EYS: variants seen among roughly 807,000 people sequenced by gnomAD.
EYS encodes the protein EGF-like photoreceptor maintenance factor.
A neutral mutation model predicts 282.1 loss-of-function variants in EYS; 250 were observed. That is an observed-to-expected ratio of 0.89 (90% CI 0.80 to 0.98). The LOEUF is 0.98. Ranked by LOEUF, EYS falls within the 50% of genes least tolerant of loss-of-function variation. The probability of loss-of-function intolerance (pLI) is 0.00; values close to 1 mark genes in which losing one functional copy is unlikely to be tolerated. For missense variants in EYS, 4,016 were observed against 3,709.0 expected (o/e 1.08, Z -2.15); for synonymous variants, 1,355 against 1,282.9 (o/e 1.06, Z -1.20).
intron 19 of EYS, among the ~76,000 whole-genome samples, chr6:64,837,377 G>A (rs1039818758): frequency 2.0e-5 from 3 of 151,162 alleles, no homozygotes; most frequent in South Asian, 2.1e-4. Context: ...AACAACATAC[G>A]AAAGGGGGGA....
intron 14 of EYS, among the ~76,000 whole-genome samples, chr6:64,989,431 A>T (rs1338864969): frequency 5.6e-5 from 6 of 107,336 alleles, no homozygotes; most frequent in African/African-American, 1.3e-4. Context: ...ATATATGAGA[A>T]ACAGGAAGAG....
At chr6:64,844,405 A>G (rs1267552483) in intron 19 of EYS, among the ~76,000 whole-genome samples, 7 of 151,554 alleles carry the variant, frequency 4.6e-5, no homozygotes, top group Non-Finnish European at 1.0e-4. Context: ...TTGATACTCA[A>G]TAATGAATTC....
chr6:64,857,031 T>A (rs1381884440), intron 19 of EYS, among the ~76,000 whole-genome samples: 2 of 152,176 alleles, frequency 1.3e-5, no homozygotes, highest in African/African-American at 4.8e-5. Flanking sequence ...ATCATTTGCT[T>A]AAAAAACTAT....
intron 12 of EYS, among the ~76,000 whole-genome samples, chr6:65,120,962 C>T (rs902678022): frequency 2.0e-5 from 3 of 152,122 alleles, no homozygotes; most frequent in African/African-American, 4.8e-5. Flanking sequence ...TTTCATCTTC[C>T]GTTCTGCTGC....
At chr6:64,533,593 T>C (rs1192636947) in intron 26 of EYS, among the ~76,000 whole-genome samples, 1 of 152,106 alleles carries the variant, frequency 6.6e-6, no homozygotes, top group African/African-American at 2.4e-5. Context: ...CCTGTATCTA[T>C]GTTTTTCAAA....
At chr6:65,610,685 A>G (rs1215855484) in intron 2 of EYS, among the ~76,000 whole-genome samples, 2 of 152,096 alleles carry the variant, frequency 1.3e-5, no homozygotes, top group African/African-American at 4.8e-5. Context: ...TAACTTTTCT[A>G]GTTTTATTAA....
chr6:64,314,983 G>A (rs1769886359), intron 29 of EYS, among the ~76,000 whole-genome samples: 1 of 152,036 alleles, frequency 6.6e-6, no homozygotes, highest in Admixed American at 6.6e-5. Context: ...AATGAATTCA[G>A]GAGCTGGTTT....
At chr6:65,110,877 G>A (rs1775197433) in intron 12 of EYS, among the ~76,000 whole-genome samples, 1 of 151,944 alleles carries the variant, frequency 6.6e-6, no homozygotes, top group Non-Finnish European at 1.5e-5. Flanking sequence ...TAGAAAGATA[G>A]TAATAACTCC....
intron 22 of EYS, among the ~76,000 whole-genome samples, chr6:64,769,607 C>A (rs754160014): frequency 1.1e-4 from 17 of 151,864 alleles, no homozygotes; most frequent in Non-Finnish European, 1.2e-4. Context: ...AAATAAATAA[C>A]CAGGTGATTT....
At chr6:64,737,300 C>CT (rs543556661) in intron 22 of EYS, among the ~76,000 whole-genome samples, 2 of 152,052 alleles carry the variant, frequency 1.3e-5, no homozygotes, top group Admixed American at 1.3e-4. Context: ...ATTCAGTTTT[C>CT]TTTTTTTAAC....
At chr6:63,888,110 C>A (rs1773312220) in intron 35 of EYS, among the ~76,000 whole-genome samples, 1 of 152,212 alleles carries the variant, frequency 6.6e-6, no homozygotes, top group Non-Finnish European at 1.5e-5. Flanking sequence ...CTGGGAAGGG[C>A]ATCTCTGAAA....
At chr6:64,434,529 G>C (rs1017559878) in intron 28 of EYS, among the ~76,000 whole-genome samples, 2 of 151,926 alleles carry the variant, frequency 1.3e-5, no homozygotes, top group African/African-American at 4.8e-5. Context: ...ACCTGATCTT[G>C]AACATACAGC....
At chr6:65,199,120 A>C (rs1398384012) in intron 12 of EYS, among the ~76,000 whole-genome samples, 2 of 151,008 alleles carry the variant, frequency 1.3e-5, no homozygotes, top group African/African-American at 4.9e-5. Flanking sequence ...AGTTTAAAGG[A>C]GCATCTGAGA....
At chr6:64,349,878 T>G (rs1372536284) in intron 29 of EYS, among the ~76,000 whole-genome samples, 2 of 151,580 alleles carry the variant, frequency 1.3e-5, no homozygotes, top group African/African-American at 4.8e-5. Context: ...TTTTCCCGTT[T>G]TGAAATATCT....
chr6:65,462,373 TC>T lies in EYS; in HGVS notation c.862+28220del, dbSNP rs375168218. On this transcript the variant is annotated intron_variant, in intron 5 of 42. Transcript: ENST00000503581. ...TTGGTGTGAATGGAAATGTTTTGTA[TC>T]CTAATTATAACGGTGATTACACAAA... Among the ~76,000 whole-genome samples the T allele has an allele frequency of 8.9e-4, 135 of 152,128 alleles. 2 individuals are homozygous for T. The highest frequency in any genetic ancestry group is 2.6e-3 in the African/African-American group (109 of 41,532).
chr6:63,906,499 C>T (rs1227653100), intron 35 of EYS, among the ~76,000 whole-genome samples: 1 of 152,132 alleles, frequency 6.6e-6, no homozygotes, highest in Admixed American at 6.6e-5. Flanking sequence ...TTATTCAAAC[C>T]AAAGCCTCTA....
chr6:65,392,904 A>G (rs1014287471), intron 7 of EYS, among the ~76,000 whole-genome samples: 3 of 152,144 alleles, frequency 2.0e-5, no homozygotes, highest in African/African-American at 7.2e-5. Context: ...TCACAATAGC[A>G]AAGACTTGGA....
At chr6:65,157,236 C>G (rs569869386) in intron 12 of EYS, among the ~76,000 whole-genome samples, 1 of 151,020 alleles carries the variant, frequency 6.6e-6, no homozygotes, top group African/African-American at 2.4e-5. Context: ...ACGTAATCTA[C>G]ACCACTATTA....
chr6:64,782,561 T>C (rs1487394141), intron 22 of EYS, among the ~76,000 whole-genome samples: 1 of 152,226 alleles, frequency 6.6e-6, no homozygotes, highest in East Asian at 1.9e-4. Context: ...TAAGCTAGGA[T>C]AAGTGCATTC....
Sources: allele counts gnomAD v4.1 joint callset (sites outside exome capture counted in the v4.1 genomes callset), GRCh38; gene constraint gnomAD v4.1.1; transcripts MANE v1.5; gene names NCBI Gene and HGNC (gene_info 2026-07-23, HGNC 2026-07-21).